ZMAT4: variants seen among roughly 807,000 people sequenced by gnomAD.
ZMAT4 encodes zinc finger matrin-type protein 4.
ZMAT4 carries 17 observed loss-of-function variants against 28.7 expected under a neutral mutation model. The ratio of observed to expected loss-of-function variants is 0.59; its 90% CI spans 0.41 to 0.89. The LOEUF (loss-of-function observed/expected upper bound fraction) is 0.89. Among genes scored for constraint, ZMAT4 ranks in the 40% least tolerant of loss-of-function variants. The pLI is 0.00. For missense variants in ZMAT4, 240 were observed against 283.8 expected, an observed-to-expected ratio of 0.85 and a Z score of 1.11; for synonymous variants, 117 against 109.2, an observed-to-expected ratio of 1.07 and a Z score of -0.44.
At chr8:40,777,857 G>A (rs767390061) in intron 2 of ZMAT4, among the ~76,000 whole-genome samples, 1 of 152,192 alleles carries the variant, frequency 6.6e-6, no homozygotes, top group Non-Finnish European at 1.5e-5. Context: ...TCATTATTCT[G>A]TATAACATTT....
At chr8:40,630,805 T>C (rs1440854616) in intron 5 of ZMAT4, among the ~76,000 whole-genome samples, 1 of 152,190 alleles carries the variant, frequency 6.6e-6, no homozygotes, top group African/African-American at 2.4e-5. Context: ...AGGGTGGTAC[T>C]GGACAACAGA....
At chr8:40,585,330 C>A (rs1804631099) in intron 5 of ZMAT4, among the ~76,000 whole-genome samples, 3 of 152,028 alleles carry the variant, frequency 2.0e-5, no homozygotes, top group Admixed American at 2.0e-4. Flanking sequence ...ATCTTGAAAC[C>A]TATTTTCTCA....
intron 1 of ZMAT4, among the ~76,000 whole-genome samples, chr8:40,894,793 A>G (rs1818815382): frequency 6.6e-6 from 1 of 152,106 alleles, no homozygotes; most frequent in African/African-American, 2.4e-5. Context: ...AAAACAAGAC[A>G]TTGTAAAAGC....
chr8:40,828,558 A>G (rs1816162177), intron 1 of ZMAT4, among the ~76,000 whole-genome samples: 1 of 152,060 alleles, frequency 6.6e-6, no homozygotes, highest in Non-Finnish European at 1.5e-5. Context: ...TGTGTATACT[A>G]AAAAAAATTC....
intron 4 of ZMAT4, among the ~76,000 whole-genome samples, chr8:40,676,841 T>C (rs914154582): frequency 3.3e-5 from 5 of 152,202 alleles, no homozygotes; most frequent in South Asian, 2.1e-4. Context: ...AAAGCTCAAA[T>C]GTGGGCCATT....
intron 5 of ZMAT4, among the ~76,000 whole-genome samples, chr8:40,615,698 C>T (rs533443559): frequency 6.6e-6 from 1 of 152,168 alleles, no homozygotes; most frequent in South Asian, 2.1e-4. Flanking sequence ...CACTGATACC[C>T]TTTCTTCCAG....
Position 40,860,149 on chromosome 8 carries a change from G to A in ZMAT4, c.-4-34469C>T, listed in dbSNP as rs552276713. On this transcript the variant is annotated intron_variant, in intron 1 of 6. Coordinates refer to ENST00000297737, the MANE Select transcript of ZMAT4 (RefSeq NM_024645.3). ...TAATATTTGCTTATATAGAGTCAGC[G>A]TTCAGTAATGACACCTGCCACAAAA... Among the ~76,000 whole-genome samples the A allele has an allele frequency of 3.1e-4, 47 of 152,170 alleles. 2 individuals are homozygous for A. The South Asian group carries it at 8.7e-3, about 28-fold the overall frequency.
chr8:40,679,333 G>A (rs998631180), intron 4 of ZMAT4, among the ~76,000 whole-genome samples: 7 of 152,068 alleles, frequency 4.6e-5, no homozygotes, highest in African/African-American at 1.7e-4. Flanking sequence ...TATTTCTGCA[G>A]CTCCTGTGTG....
At chr8:40,841,126 G>A (rs900505407) in intron 1 of ZMAT4, among the ~76,000 whole-genome samples, 2 of 152,218 alleles carry the variant, frequency 1.3e-5, no homozygotes, top group Non-Finnish European at 2.9e-5. Flanking sequence ...CCTTGGCAAC[G>A]TCATTCGATC....
chr8:40,650,203 G>A (rs199837006), intron 5 of ZMAT4, among the ~76,000 whole-genome samples: 3 of 151,836 alleles, frequency 2.0e-5, no homozygotes, highest in East Asian at 1.9e-4. Context: ...AAAAAAAGAG[G>A]GAAGAATCAA....
At chr8:40,735,415 A>G (rs60321634) in intron 3 of ZMAT4, among the ~76,000 whole-genome samples, 35,435 of 152,110 alleles carry the variant, frequency 0.23, 4,693 homozygotes, top group East Asian at 0.56. Flanking sequence ...ATCCTTATAA[A>G]AAGAGCACTA....
chr8:40,575,118 A>C (rs757133824), intron 6 of ZMAT4, among the ~76,000 whole-genome samples: 41 of 152,180 alleles, frequency 2.7e-4, no homozygotes, highest in Non-Finnish European at 4.9e-4. Context: ...GCTGAGGCTC[A>C]GAAATGGCCA....
chr8:40,806,172 T>C (rs1424422860), intron 2 of ZMAT4, among the ~76,000 whole-genome samples: 2 of 152,228 alleles, frequency 1.3e-5, no homozygotes, highest in Non-Finnish European at 2.9e-5. Flanking sequence ...TATACCCAGT[T>C]TGAGAAACAG....
intron 6 of ZMAT4, among the ~76,000 whole-genome samples, chr8:40,579,178 T>C (rs965019921): frequency 1.3e-5 from 2 of 152,200 alleles, no homozygotes; most frequent in African/African-American, 2.4e-5. Context: ...AAGAGAGACA[T>C]TTTTCTGAAT....
intron 6 of ZMAT4, among the ~76,000 whole-genome samples, chr8:40,577,750 T>A (rs1224261388): frequency 6.6e-6 from 1 of 151,966 alleles, no homozygotes; most frequent in Non-Finnish European, 1.5e-5. Context: ...ATATGTACAA[T>A]TATGTATCAA....
intron 3 of ZMAT4, among the ~76,000 whole-genome samples, chr8:40,723,625 A>C (rs1400852819): frequency 2.0e-5 from 3 of 152,088 alleles, no homozygotes; most frequent in Non-Finnish European, 4.4e-5. Flanking sequence ...ATTAATTCTA[A>C]ATTAATGAGG....
rs1563454008 is a variant in ZMAT4 at position 40,746,246 on chromosome 8, TCCCTCCCTCCCTCCC to T, written c.192+21380_192+21394del. 1.7e-4 allele frequency among the ~76,000 whole-genome samples: 9 copies of T among 53,702 alleles called. 1 individual carries two copies. Among genetic ancestry groups the T allele is most frequent in the Non-Finnish European group, 2.2e-4 (6 of 26,976 alleles). 35.2% of individuals were successfully genotyped at this position (53,702 alleles called of 152,430 possible). A position where few individuals can be genotyped will look rare whatever the true frequency, so the allele number is the denominator to read the frequency against. The stretch of plus-strand genomic sequence containing the variant: ...TTCCCTCCCTCCCTCCCTCCCTCCC[TCCCTCCCTCCCTCCC>T]TCCCTTCCTTCCTTTCTTTCTTTCT... On this transcript the variant is annotated intron_variant, in intron 3 of 6. Transcript: ENST00000297737.
chr8:40,554,861 G>A (rs987724352), intron 6 of ZMAT4, among the ~76,000 whole-genome samples: 3 of 152,014 alleles, frequency 2.0e-5, no homozygotes, highest in African/African-American at 7.2e-5. Flanking sequence ...ACACATTGTT[G>A]CTAACTATAG....
intron 6 of ZMAT4, among the ~76,000 whole-genome samples, chr8:40,557,349 C>T (rs1803577394): frequency 6.6e-6 from 1 of 151,742 alleles, no homozygotes; most frequent in South Asian, 2.1e-4. Flanking sequence ...AATCTAGCTC[C>T]TACTCCTACT....
Sources: allele counts gnomAD v4.1 joint callset (sites outside exome capture counted in the v4.1 genomes callset), GRCh38; gene constraint gnomAD v4.1.1; transcripts MANE v1.5; gene names NCBI Gene and HGNC (gene_info 2026-07-23, HGNC 2026-07-21).